Variants in ADAMTSL1 observed in about 807,000 individuals in gnomAD.
ADAMTSL1 encodes ADAMTS-like protein 1.
In ADAMTSL1, 126 loss-of-function variants were observed where a neutral mutation model predicts 201.8. That is an observed-to-expected ratio of 0.62 (90% confidence interval 0.54 to 0.72). The LOEUF is 0.72. ADAMTSL1 is among the 30% of genes least tolerant of loss of function. ADAMTSL1 has a pLI of 0.00. For synonymous variants in ADAMTSL1, 1,121 were observed against 903.4 expected, an observed-to-expected ratio of 1.24 and a Z score of -4.32; for missense variants, 2,679 against 2,277.8, an observed-to-expected ratio of 1.18 and a Z score of -3.59.
At chr9:17,961,476 C>T (rs1817752115) in intron 1 of ADAMTSL1, among the ~76,000 whole-genome samples, 1 of 152,088 alleles carries the variant, frequency 6.6e-6, no homozygotes, top group African/African-American at 2.4e-5. Flanking sequence ...GTCTCGAACT[C>T]CTGACCTCAG....
At chr9:18,709,727 A>G (rs1229375149) in intron 14 of ADAMTSL1, among the ~76,000 whole-genome samples, 1 of 152,172 alleles carries the variant, frequency 6.6e-6, no homozygotes, top group East Asian at 1.9e-4. Flanking sequence ...AATTTCCCAC[A>G]TGTGAACTGA....
chr9:17,909,919 C>G lies in ADAMTSL1; in HGVS notation c.87+2997C>G, dbSNP rs1200698639. Among the ~76,000 whole-genome samples the G allele has an allele frequency of 4.6e-5, 3 of 65,084 alleles. 1 individual carries two copies. Among genetic ancestry groups the G allele is most frequent in the African/African-American group, 9.2e-5 (3 of 32,452 alleles). The allele number at this position is 65,084 out of a possible 152,430, so 42.7% of individuals were successfully genotyped here. A position where few individuals can be genotyped will look rare whatever the true frequency, so the allele number is the denominator to read the frequency against. ...GTGGGTGCAGCGCACCAGCATGGCA[C>G]ATGTATACATATGTAACTAACCTGC... is the stretch of plus-strand genomic sequence containing the variant. On this transcript the variant is annotated intron_variant, in intron 1 of 29. Transcript: ENST00000680146.
At chr9:18,197,609 A>C (rs372990215) in intron 2 of ADAMTSL1, among the ~76,000 whole-genome samples, 2 of 148,136 alleles carry the variant, frequency 1.4e-5, no homozygotes, top group East Asian at 2.0e-4. Flanking sequence ...TAGATATACA[A>C]TCATGTCGTC....
chr9:18,786,428 A>G (rs74681200), intron 19 of ADAMTSL1, among the ~76,000 whole-genome samples: 3,126 of 152,312 alleles, frequency 0.021, 99 homozygotes, highest in African/African-American at 0.07. Context: ...GCCACTTAGT[A>G]TTGTGAGTCT....
chr9:18,719,384 C>G (rs1254099604), intron 14 of ADAMTSL1, among the ~76,000 whole-genome samples: 1 of 151,966 alleles, frequency 6.6e-6, no homozygotes, highest in Non-Finnish European at 1.5e-5. Context: ...TTTTGCTTTT[C>G]TCACCCAGGC....
intron 1 of ADAMTSL1, among the ~76,000 whole-genome samples, chr9:17,917,674 G>A (rs749964818): frequency 1.3e-5 from 2 of 151,822 alleles, no homozygotes; most frequent in Non-Finnish European, 2.9e-5. Flanking sequence ...CTTTGGTTTT[G>A]GTATTAGAGC....
intron 13 of ADAMTSL1, among the ~76,000 whole-genome samples, chr9:18,696,672 C>T (rs575320988): frequency 6.6e-6 from 1 of 152,168 alleles, no homozygotes; most frequent in East Asian, 1.9e-4. Context: ...TGATGAAGAG[C>T]ACCAACTGTG....
Position 18,474,197 on chromosome 9 carries a change from T to G in ADAMTSL1, c.-36T>G. 2 of 1,610,290 alleles carry G rather than the reference T, an allele frequency of 1.2e-6. No individual in the cohort carries two copies. Among genetic ancestry groups the G allele is most frequent in the Non-Finnish European group, 1.7e-6 (2 of 1,176,706 alleles). On this transcript the variant is annotated 5_prime_UTR_variant, in exon 1 of 29. It adds an upstream start codon to the 5' untranslated region. Transcript: ENST00000380548. ...GGCAGAGGAGCACTTAGCAGCTTAT[T>G]CAGTGTCCGATTCTGATTCCGGCAA... is the stretch of plus-strand genomic sequence containing the variant.
At chr9:18,864,959 T>TG in intron 23 of ADAMTSL1, among the ~76,000 whole-genome samples, 1 of 151,326 alleles carries the variant, frequency 6.6e-6, no homozygotes, top group Non-Finnish European at 1.5e-5. Flanking sequence ...ATGTCTTTTC[T>TG]GGTGTTTAAG....
chr9:18,293,660 A>G (rs1833361441), intron 2 of ADAMTSL1, among the ~76,000 whole-genome samples: 1 of 152,222 alleles, frequency 6.6e-6, no homozygotes, highest in African/African-American at 2.4e-5. Flanking sequence ...TGAGCACTTC[A>G]TATGCAATTT....
intron 2 of ADAMTSL1, among the ~76,000 whole-genome samples, chr9:18,195,356 C>T (rs1269773038): frequency 6.6e-6 from 1 of 152,056 alleles, no homozygotes; most frequent in African/African-American, 2.4e-5. Flanking sequence ...ATCTGTGTGC[C>T]AGGCTACATG....
chr9:18,085,155 G>C (rs1587008430), intron 1 of ADAMTSL1, among the ~76,000 whole-genome samples: 1 of 151,102 alleles, frequency 6.6e-6, no homozygotes, highest in South Asian at 2.1e-4. Flanking sequence ...TGTGTAGAGA[G>C]AGGGCCAGAT....
intron 4 of ADAMTSL1, chr9:18,574,596 TGTGTG>T: frequency 8.7e-6 from 1 of 114,414 alleles, no homozygotes. Flanking sequence ...TGTTTGTGTT[TGTGTG>T]TGTGTGTGTG....
intron 23 of ADAMTSL1, among the ~76,000 whole-genome samples, chr9:18,880,486 G>T (rs1405340697): frequency 6.6e-6 from 1 of 152,198 alleles, no homozygotes; most frequent in Non-Finnish European, 1.5e-5. Context: ...TCCATCAGAA[G>T]TCTTGGGTAG....
chr9:18,055,380 C>G (rs998985273), intron 1 of ADAMTSL1, among the ~76,000 whole-genome samples: 1 of 152,184 alleles, frequency 6.6e-6, no homozygotes, highest in African/African-American at 2.4e-5. Flanking sequence ...TGCTGCCACA[C>G]CCCCATCAAA....
chr9:18,830,892 A>G (rs555553769), intron 23 of ADAMTSL1, among the ~76,000 whole-genome samples: 2 of 152,208 alleles, frequency 1.3e-5, no homozygotes, highest in Non-Finnish European at 2.9e-5. Context: ...TACTAAGTCT[A>G]TGTGATCCCA....
chr9:18,602,365 C>G (rs1341899171), intron 4 of ADAMTSL1, among the ~76,000 whole-genome samples: 1 of 152,214 alleles, frequency 6.6e-6, no homozygotes, highest in Non-Finnish European at 1.5e-5. Context: ...CAAAAGTTCA[C>G]CAGGGTTCAA....
intron 2 of ADAMTSL1, among the ~76,000 whole-genome samples, chr9:18,244,087 T>TTGTG (rs5896777): frequency 8.7e-5 from 13 of 149,688 alleles, no homozygotes; most frequent in African/African-American, 2.2e-4. Flanking sequence ...AGAAATGATT[T>TTGTG]TGTGTGTGTG....
chr9:18,722,782 T>A (rs891745066), intron 15 of ADAMTSL1, among the ~76,000 whole-genome samples: 1 of 152,164 alleles, frequency 6.6e-6, no homozygotes, highest in Non-Finnish European at 1.5e-5. Flanking sequence ...AAGGCAACCA[T>A]AAAATCAGTC....
Sources: allele counts gnomAD v4.1 joint callset (sites outside exome capture counted in the v4.1 genomes callset), GRCh38; gene constraint gnomAD v4.1.1; transcripts MANE v1.5; gene names NCBI Gene and HGNC (gene_info 2026-07-23, HGNC 2026-07-21).